The following PRDM16 variants were observed in gnomAD, a reference collection of about 807,000 sequenced individuals.
PRDM16 encodes histone-lysine N-methyltransferase PRDM16.
Under a neutral mutation model 110.6 loss-of-function variants are expected in PRDM16, and 23 were observed. The ratio of observed to expected loss-of-function variants is 0.21; its 90% CI spans 0.15 to 0.29. The LOEUF (loss-of-function observed/expected upper bound fraction) is 0.29, where lower values mean the gene tolerates loss of function less well. PRDM16 is among the 10% of genes least tolerant of loss of function. PRDM16 has a pLI of 1.00. For synonymous variants in PRDM16, 799 were observed against 781.8 expected (o/e 1.02, Z -0.37); for missense variants, 1,615 against 1,794.3 (o/e 0.90, Z 1.81).
intron 7 of PRDM16, 96 bp from the exon 8 acceptor site, chr1:3,405,399 G>A: frequency 7.3e-7 from 1 of 1,370,096 alleles, no homozygotes; most frequent in South Asian, 1.5e-5. Flanking sequence ...GAGACAGGCA[G>A]GGCCCTGCCC....
intron 10 of PRDM16, 72 bp from the exon 11 acceptor site, chr1:3,417,756 C>A: frequency 7.7e-7 from 1 of 1,303,580 alleles, no homozygotes. Context: ...GTACAGAACC[C>A]CCAGCAGTGC....
chr1:3,130,432 G>T (rs964489006), intron 1 of PRDM16, among the ~76,000 whole-genome samples: 3 of 152,162 alleles, frequency 2.0e-5, no homozygotes, highest in African/African-American at 7.2e-5. Flanking sequence ...CCGAGAGGTG[G>T]GCCCTTCCTG....
At chr1:3,313,353 A>C (rs1641512302) in intron 3 of PRDM16, among the ~76,000 whole-genome samples, 1 of 152,150 alleles carries the variant, frequency 6.6e-6, no homozygotes, top group African/African-American at 2.4e-5. Context: ...CCCAGACCGG[A>C]GGGCGGCACT....
chr1:3,405,317 G>A (rs543935639), intron 7 of PRDM16, among the ~76,000 whole-genome samples, 178 bp from the exon 8 acceptor site: 27 of 152,202 alleles, frequency 1.8e-4, no homozygotes, highest in Non-Finnish European at 3.8e-4. Context: ...GCTCACTTAA[G>A]GCCCTGCAGC....
At position 3,411,874 on chromosome 1, in the gene PRDM16, C is replaced by G. The variant is rs754668340; in HGVS notation, c.1677C>G (p.Val559=). Reference sequence around the variant, plus strand: ...TGGGGAACCCAGCCCTGCCCCTGGTCTCCGCCGTCAGCAACAGCAGCCAGG... The same window carrying G: ...TGGGGAACCCAGCCCTGCCCCTGGTGTCCGCCGTCAGCAACAGCAGCCAGG... ...SPLGNPALPL[V]SAVSNSSQGT... The change falls in exon 9 of 17, where the codon GTC becomes GTG. Residue 559 remains valine, a synonymous_variant. Coordinates refer to ENST00000270722, the MANE Select transcript of PRDM16 (RefSeq NM_022114.4). 1 of 1,612,690 alleles carries G rather than the reference C, an allele frequency of 6.2e-7. No homozygotes were observed. Among genetic ancestry groups the G allele is most frequent in the East Asian group, 2.2e-5 (1 of 44,846 alleles).
At chr1:3,137,942 C>A (rs933334594) in intron 1 of PRDM16, among the ~76,000 whole-genome samples, 3 of 152,216 alleles carry the variant, frequency 2.0e-5, no homozygotes, top group African/African-American at 7.2e-5. Flanking sequence ...GCATTTGAGG[C>A]CAGTAGCTCT....
At chr1:3,407,679 C>T (rs75606649) in intron 8 of PRDM16, among the ~76,000 whole-genome samples, 3,612 of 152,318 alleles carry the variant, frequency 0.024, 129 homozygotes, top group African/African-American at 0.08. Flanking sequence ...GGCCTGCAGA[C>T]GAGCGTTCTA....
intron 3 of PRDM16, among the ~76,000 whole-genome samples, chr1:3,381,319 G>T (rs377487852): frequency 7.4e-4 from 112 of 152,126 alleles, no homozygotes; most frequent in African/African-American, 2.6e-3. Context: ...AGTGGGACAC[G>T]GATTGTTTTT....
intron 2 of PRDM16, among the ~76,000 whole-genome samples, chr1:3,212,072 C>T (rs1176541188): frequency 6.6e-6 from 1 of 152,190 alleles, no homozygotes; most frequent in Non-Finnish European, 1.5e-5. Context: ...TAACAAGGCT[C>T]CCGGGGACCC....
Position 3,255,701 on chromosome 1 carries a change from C to G in PRDM16, c.438+11564C>G, listed in dbSNP as rs534074616. Among the ~76,000 whole-genome samples the G allele has an allele frequency of 9.2e-5, 14 of 152,332 alleles. No homozygotes were observed. The East Asian group carries it at 2.3e-3, about 25-fold the overall frequency. On this transcript the variant is annotated intron_variant, in intron 3 of 16. Coordinates refer to ENST00000270722, the MANE Select transcript of PRDM16 (RefSeq NM_022114.4). This position sits in a 1 kb window ranked among gnomAD's most constrained non-coding sequence, Gnocchi z 4.7. ...CCCAGTTTGTCCTGACTGCCTGCCC[C>G]CCTTGGATGCCAGAGCTATCTGGGA...
chr1:3,197,339 G>A (rs1001850742), intron 2 of PRDM16, among the ~76,000 whole-genome samples: 3 of 152,316 alleles, frequency 2.0e-5, no homozygotes, highest in East Asian at 3.9e-4. Flanking sequence ...CCTCCTTCCT[G>A]TGTGCCCCCA....
chr1:3,187,192 G>T (rs2100799890), intron 2 of PRDM16, among the ~76,000 whole-genome samples: 1 of 152,240 alleles, frequency 6.6e-6, no homozygotes, highest in African/African-American at 2.4e-5. Flanking sequence ...CCCTTGAGTG[G>T]TCCTAGGGGG....
chr1:3,416,248 GCT>G (rs1278316150), intron 10 of PRDM16, among the ~76,000 whole-genome samples: 1 of 152,222 alleles, frequency 6.6e-6, no homozygotes, highest in African/African-American at 2.4e-5. Flanking sequence ...AAAGCCCTCT[GCT>G]CCCTACCAGC....
chr1:3,250,574 G>A (rs1197503265), intron 3 of PRDM16, among the ~76,000 whole-genome samples: 3 of 152,132 alleles, frequency 2.0e-5, no homozygotes, highest in Non-Finnish European at 4.4e-5. Flanking sequence ...TGGGAGAGGT[G>A]CAGCTAATTA....
At chr1:3,077,475 G>A (rs753736865) in intron 1 of PRDM16, among the ~76,000 whole-genome samples, 5 of 152,226 alleles carry the variant, frequency 3.3e-5, no homozygotes, top group African/African-American at 9.6e-5. Flanking sequence ...GAAGTGCTGC[G>A]ATGTGTGCAC....
In PRDM16 at chr1:3,069,484, C is replaced by G. The variant is rs1185602074; in HGVS notation, c.37+188C>G. ...GGGGCGACCGGGCTCGGCGCGGAGG[C>G]TCGGGGCGCCCGGGCCGCGCGCTCC... On this transcript the variant is annotated intron_variant, in intron 1 of 16. Transcript: ENST00000270722. The surrounding 1 kb of genome is among the most constrained non-coding windows in gnomAD (Gnocchi z 6.1). 6.9e-6 allele frequency among the ~76,000 whole-genome samples: 1 copy of G among 144,152 alleles called. No homozygotes were observed. The highest frequency in any genetic ancestry group is 2.5e-5 in the African/African-American group (1 of 40,034). 94.6% of individuals were successfully genotyped at this position (144,152 alleles called of 152,430 possible).
chr1:3,163,414 C>T (rs1436693854), intron 1 of PRDM16, among the ~76,000 whole-genome samples: 1 of 152,188 alleles, frequency 6.6e-6, no homozygotes, highest in East Asian at 1.9e-4. Flanking sequence ...CACAGATCTC[C>T]AAGGCGTGCA....
chr1:3,284,037 G>A (rs1640792854), intron 3 of PRDM16, among the ~76,000 whole-genome samples: 1 of 152,196 alleles, frequency 6.6e-6, no homozygotes, highest in Non-Finnish European at 1.5e-5. Context: ...TCCTAGGGTA[G>A]CGGGCCTGGG....
At chr1:3,124,082 C>T (rs1359312963) in intron 1 of PRDM16, among the ~76,000 whole-genome samples, 1 of 152,144 alleles carries the variant, frequency 6.6e-6, no homozygotes, top group Non-Finnish European at 1.5e-5. Context: ...TGCCCCCACC[C>T]GTGAGAACCC....
Sources: gnomAD v4.1 joint callset for allele counts (sites outside exome capture counted in the v4.1 genomes callset) on GRCh38, gnomAD v4.1.1 for gene constraint, Gnocchi (gnomAD v3.1) non-coding constraint, MANE v1.5 for transcripts, NCBI Gene and HGNC (gene_info 2026-07-23, HGNC 2026-07-21) for gene names.